EXTL3: variants seen among roughly 807,000 people sequenced by gnomAD.
The protein encoded by EXTL3 is exostosin-like 3.
In EXTL3, 27 loss-of-function variants were observed where a neutral mutation model predicts 69.3. The observed-to-expected ratio is 0.39, with a 90% CI of 0.29 to 0.54. The LOEUF (loss-of-function observed/expected upper bound fraction) is 0.54, where lower values mean the gene tolerates loss of function less well. EXTL3 is among the 20% of genes least tolerant of loss of function. The pLI, the probability that EXTL3 is intolerant of heterozygous loss-of-function variation, is 0.69. For synonymous variants in EXTL3, 511 were observed against 499.4 expected, an observed-to-expected ratio of 1.02 and a Z score of -0.31; for missense variants, 1,003 against 1,231.8, an observed-to-expected ratio of 0.81 and a Z score of 2.78.
At chr8:28,748,038 A>G (rs1182938701) in intron 6 of EXTL3, among the ~76,000 whole-genome samples, 1 of 151,982 alleles carries the variant, frequency 6.6e-6, no homozygotes, top group Non-Finnish European at 1.5e-5. Flanking sequence ...TTATTTTTAT[A>G]TTTTAAATTT....
At chr8:28,630,625 A>G (rs1042600372) in intron 1 of EXTL3, among the ~76,000 whole-genome samples, 10 of 152,260 alleles carry the variant, frequency 6.6e-5, no homozygotes, top group African/African-American at 2.4e-4. Context: ...ACAACTTTAC[A>G]GAGTTGTTGG....
intron 1 of EXTL3, among the ~76,000 whole-genome samples, chr8:28,639,038 C>T (rs566950500): frequency 4.0e-5 from 6 of 151,150 alleles, no homozygotes; most frequent in African/African-American, 7.3e-5. Flanking sequence ...CCCAGGTTCA[C>T]GCAATTCTCC....
rs529744907 is a variant in EXTL3, at chr8:28,701,741, C to T, written c.-570+82C>T. 18 of 153,102 alleles carry T rather than the reference C, an allele frequency of 1.2e-4. No homozygotes were observed. The South Asian group carries it at 3.2e-3, about 27-fold the overall frequency. The allele number at this position is 153,102 out of a possible 1,614,324, so 9.5% of individuals were successfully genotyped here. On this transcript the variant is annotated intron_variant, in intron 1 of 6. Coordinates refer to ENST00000220562, the MANE Select transcript of EXTL3 (RefSeq NM_001440.4). ...CATGGGAGGGTGCCGGGGCTGGCCCCGAGCGCTGGGGACGCGGCGGGAGGG... is the reference window on the plus strand; with the variant it reads ...CATGGGAGGGTGCCGGGGCTGGCCCTGAGCGCTGGGGACGCGGCGGGAGGG...
intron 1 of EXTL3, among the ~76,000 whole-genome samples, chr8:28,672,422 TG>T (rs1054948825): frequency 7.5e-4 from 6 of 8,018 alleles, no homozygotes; most frequent in Non-Finnish European, 1.4e-3. Context: ...CTTCTCGGGG[TG>T]GGGGGGCGGG....
chr8:28,610,002 G>A (rs763366242), intron 2 of EXTL3, among the ~76,000 whole-genome samples: 1 of 150,898 alleles, frequency 6.6e-6, no homozygotes, highest in East Asian at 1.9e-4. Flanking sequence ...TCAGGAGTTC[G>A]AGACCAGCCT....
In EXTL3 at chr8:28,717,253, C is replaced by T. The variant is rs1285160861; in HGVS notation, c.1194C>T (p.Phe398=). 5 of 1,614,110 alleles carry T rather than the reference C, an allele frequency of 3.1e-6. No homozygotes were observed. In the South Asian group the frequency reaches 4.4e-5, roughly 14 times the overall value. Residue 398 remains phenylalanine (F), a synonymous_variant, in exon 3 of 7, where the codon TTC becomes TTT. Coordinates refer to ENST00000220562, the MANE Select transcript of EXTL3 (RefSeq NM_001440.4). The surrounding 1 kb of genome is among the most constrained non-coding windows in gnomAD (Gnocchi z 8.3). Reference sequence around the variant, plus strand: ...AGCTGGATCAGGTCCTGGTGGAATTCACCTGCAAAAACCAGCCCAAACCCA... The same window carrying T: ...AGCTGGATCAGGTCCTGGTGGAATTTACCTGCAAAAACCAGCCCAAACCCA... ...DSKLDQVLVE[F]TCKNQPKPSL...
At chr8:28,736,039 G>A (rs1004055127) in intron 4 of EXTL3, among the ~76,000 whole-genome samples, 8 of 152,272 alleles carry the variant, frequency 5.3e-5, no homozygotes, top group Middle Eastern at 6.8e-3. Flanking sequence ...CAGAGTTTCC[G>A]TTTGGGAAGA....
At chr8:28,665,492 G>A (rs1807182544) in intron 1 of EXTL3, among the ~76,000 whole-genome samples, 1 of 145,798 alleles carries the variant, frequency 6.9e-6, no homozygotes, top group Admixed American at 7.1e-5. Flanking sequence ...GCTCACTACA[G>A]CCTCAATCTC....
At chr8:28,672,623 G>T (rs530246243) in intron 1 of EXTL3, among the ~76,000 whole-genome samples, 1 of 152,178 alleles carries the variant, frequency 6.6e-6, no homozygotes, top group Admixed American at 6.5e-5. Flanking sequence ...ATCCAAAACC[G>T]ACTAAATCAG....
intron 1 of EXTL3, among the ~76,000 whole-genome samples, chr8:28,705,557 TAAA>T (rs879318621): frequency 1.5e-5 from 2 of 136,750 alleles, no homozygotes; most frequent in African/African-American, 2.7e-5. Flanking sequence ...CCCTGTCTCT[TAAA>T]AAAAAAAAAA....
intron 1 of EXTL3, among the ~76,000 whole-genome samples, chr8:28,628,280 C>T (rs552016690): frequency 6.6e-5 from 10 of 151,888 alleles, no homozygotes; most frequent in East Asian, 2.0e-4. Context: ...GAGAATCGCT[C>T]GAACCCAGGA....
Position 28,652,361 on chromosome 8 carries a change from TA to T in EXTL3, c.-53+29560del, listed in dbSNP as rs200276245. 2.7e-3 allele frequency among the ~76,000 whole-genome samples: 404 copies of T among 151,526 alleles called. 3 individuals are homozygous for T. The highest frequency in any genetic ancestry group is 8.5e-3 in the African/African-American group (352 of 41,328). ...CTCTTCCACATTTGCTATTTTCCTT[TA>T]AAAAAAAATTATAGCCTGGTGTTGT... is the stretch of plus-strand genomic sequence containing the variant. On this transcript the variant is annotated intron_variant, in intron 1 of 6. Coordinates refer to the EXTL3 transcript ENST00000523149.
intron 1 of EXTL3, among the ~76,000 whole-genome samples, chr8:28,692,994 A>G (rs1800635803): frequency 6.6e-6 from 1 of 152,206 alleles, no homozygotes; most frequent in African/African-American, 2.4e-5. Flanking sequence ...GGCATAATTT[A>G]GGGTAAATGT....
chr8:28,717,100 C>A lies in EXTL3; in HGVS notation c.1041C>A (p.Gly347=). The A allele has an allele frequency of 6.2e-7, 1 of 1,614,214 alleles. No homozygotes were observed. The change falls in exon 3 of 7, where the codon GGC becomes GGA. Residue 347 remains glycine (G), a synonymous_variant. Coordinates refer to ENST00000220562, the MANE Select transcript of EXTL3 (RefSeq NM_001440.4). This position sits in a 1 kb window ranked among gnomAD's most constrained non-coding sequence, Gnocchi z 8.3. ...GGAAATATCTCTTCACCTTCCAGGG[C>A]GAGAAGATTGAGTCTCTGAGGTCTA... ...VKRKYLFTFQ[G]EKIESLRSSL... is the part of the protein sequence containing the mutation.
intron 1 of EXTL3, among the ~76,000 whole-genome samples, chr8:28,651,039 C>G (rs1806911142): frequency 6.6e-6 from 1 of 151,950 alleles, no homozygotes; most frequent in South Asian, 2.1e-4. Context: ...TTGAATGTTT[C>G]AGATCTTTGA....
upstream of EXTL3, among the ~76,000 whole-genome samples, chr8:28,619,436 C>T (rs1173428642): frequency 6.6e-6 from 1 of 151,894 alleles, no homozygotes; most frequent in Non-Finnish European, 1.5e-5. Flanking sequence ...CTCTCTTTTG[C>T]GCTCCGAAAG....
downstream of EXTL3, among the ~76,000 whole-genome samples, chr8:28,755,782 T>C (rs1802111319): frequency 6.6e-6 from 1 of 152,208 alleles, no homozygotes; most frequent in Admixed American, 6.5e-5. Context: ...GCTGGTCCTG[T>C]TGTAGGACTG....
At chr8:28,610,213 A>ATGTGTGTGTGTG (rs1307206052) in intron 2 of EXTL3, among the ~76,000 whole-genome samples, 1 of 114,188 alleles carries the variant, frequency 8.8e-6, no homozygotes, top group African/African-American at 3.8e-5. Context: ...AAAAATATGT[A>ATGTGTGTGTGTG]TATGTGTGTG....
intron 1 of EXTL3, among the ~76,000 whole-genome samples, chr8:28,666,091 T>C (rs1807192403): frequency 6.6e-6 from 1 of 152,252 alleles, no homozygotes; most frequent in Admixed American, 6.5e-5. Flanking sequence ...TGCCTGCTGA[T>C]GGCAGCCTTT....
Sources: gnomAD v4.1 joint callset for allele counts (sites outside exome capture counted in the v4.1 genomes callset) on GRCh38, gnomAD v4.1.1 for gene constraint, Gnocchi (gnomAD v3.1) non-coding constraint, MANE v1.5 for transcripts, NCBI Gene and HGNC (gene_info 2026-07-23, HGNC 2026-07-21) for gene names.